PNKD: variants seen among roughly 807,000 people sequenced by gnomAD.
PNKD encodes probable thioesterase PNKD.
PNKD carries 36 observed loss-of-function variants against 45.3 expected under a neutral mutation model. The observed-to-expected ratio is 0.80, with a 90% confidence interval of 0.61 to 1.05. The LOEUF is 1.05. PNKD is among the 50% of genes least tolerant of loss of function. The pLI, the probability that PNKD is intolerant of heterozygous loss-of-function variation, is 0.00. For synonymous variants in PNKD, 197 were observed against 210.1 expected, an observed-to-expected ratio of 0.94 and a Z score of 0.54; for missense variants, 511 against 506.6, an observed-to-expected ratio of 1.01 and a Z score of -0.08.
At chr2:218,272,201 C>T (rs1690864247) in intron 2 of PNKD, among the ~76,000 whole-genome samples, 1 of 152,150 alleles carries the variant, frequency 6.6e-6, no homozygotes, top group African/African-American at 2.4e-5. Flanking sequence ...TTGGCCAAGT[C>T]TCAGAGAGGG....
At chr2:218,278,816 C>G (rs1487200955) in intron 2 of PNKD, among the ~76,000 whole-genome samples, 1 of 152,210 alleles carries the variant, frequency 6.6e-6, no homozygotes, top group East Asian at 1.9e-4. Context: ...TGCAGCGCAG[C>G]GTGCACGCCA....
At chr2:218,296,939 A>G (rs781635761) in intron 2 of PNKD, among the ~76,000 whole-genome samples, 2 of 152,166 alleles carry the variant, frequency 1.3e-5, no homozygotes, top group Non-Finnish European at 2.9e-5. Context: ...TGGCCTCCCA[A>G]AGTGCTGGGA....
intron 2 of PNKD, among the ~76,000 whole-genome samples, chr2:218,271,760 C>T (rs1690843726): frequency 6.6e-6 from 1 of 152,188 alleles, no homozygotes; most frequent in Non-Finnish European, 1.5e-5. Flanking sequence ...GTGGAGTAAG[C>T]TGAGTTGATC....
chr2:218,275,846 T>C (rs1456949722), intron 2 of PNKD, among the ~76,000 whole-genome samples: 3 of 152,178 alleles, frequency 2.0e-5, no homozygotes, highest in African/African-American at 4.8e-5. Context: ...AGCAGGCAGC[T>C]TGAACAAGAG....
At chr2:218,314,021 A>G (rs1693692747) in intron 2 of PNKD, among the ~76,000 whole-genome samples, 1 of 149,842 alleles carries the variant, frequency 6.7e-6, no homozygotes, top group South Asian at 2.1e-4. Flanking sequence ...TCCCAGGTTC[A>G]AGCGATTCTT....
intron 2 of PNKD, chr2:218,277,858 A>G: frequency 6.3e-7 from 1 of 1,597,734 alleles, no homozygotes; most frequent in Non-Finnish European, 8.6e-7. Flanking sequence ...TCCTTCTGAA[A>G]TGGGTCCCCA....
chr2:218,342,447 C>A (rs1205826345), intron 7 of PNKD, among the ~76,000 whole-genome samples: 2 of 152,000 alleles, frequency 1.3e-5, no homozygotes, highest in African/African-American at 2.4e-5. Context: ...TGCCTGTAAT[C>A]CCAGCACTTT....
At chr2:218,292,396 C>T (rs1487064857) in intron 2 of PNKD, 1 of 152,296 alleles carries the variant, frequency 6.6e-6, no homozygotes, top group East Asian at 1.9e-4. Context: ...GGCGCATGGC[C>T]GCCCCAGCCC....
intron 7 of PNKD, among the ~76,000 whole-genome samples, chr2:218,343,131 T>G (rs1346793529): frequency 6.8e-6 from 1 of 147,840 alleles, no homozygotes; most frequent in Non-Finnish European, 1.5e-5. Context: ...GGTGAGTGGG[T>G]GGGTGAGGAT....
chr2:218,293,007 C>T (rs1164329926), intron 2 of PNKD, among the ~76,000 whole-genome samples: 1 of 152,154 alleles, frequency 6.6e-6, no homozygotes, highest in Non-Finnish European at 1.5e-5. Context: ...TACTGGAGGC[C>T]GTTTGTTTCC....
chr2:218,325,051 A>G, intron 2 of PNKD, among the ~76,000 whole-genome samples: 1 of 115,610 alleles, frequency 8.6e-6, no homozygotes, highest in African/African-American at 3.6e-5. Flanking sequence ...TCTGTCACCC[A>G]GGCTGGAATG....
At position 218,342,031 on chromosome 2, in the gene PNKD, C is replaced by T; in HGVS notation, c.668C>T (p.Ala223Val). Reference protein sequence around the residue: ...VVSVGRLQIRALATPGHTQGH... With the variant: ...VVSVGRLQIRVLATPGHTQGH... ...AGCGTGGGACGGCTTCAGATCCGGG[C>T]CCTGGCTACACCTGGCCACACACAA... The change falls in exon 7 of 10, where the codon GCC (alanine) becomes GTC (valine). Residue 223 changes from alanine (A) to valine (V), a missense_variant. Ala to Val is a moderately conservative substitution (Grantham distance 64, BLOSUM62 0). Coordinates refer to ENST00000273077, the MANE Select transcript of PNKD (RefSeq NM_015488.5). 1 of 1,613,410 alleles carries T rather than the reference C, an allele frequency of 6.2e-7. No individual in the cohort carries two copies. Among genetic ancestry groups the T allele is most frequent in the Non-Finnish European group, 8.5e-7 (1 of 1,179,330 alleles).
intron 2 of PNKD, chr2:218,280,516 C>T: frequency 3.7e-6 from 1 of 266,828 alleles, no homozygotes; most frequent in Non-Finnish European, 7.4e-6. Context: ...CGGCAGAGCG[C>T]AGTTTGTGCA....
At chr2:218,316,567 G>A (rs997785516) in intron 2 of PNKD, among the ~76,000 whole-genome samples, 8 of 152,124 alleles carry the variant, frequency 5.3e-5, no homozygotes, top group African/African-American at 7.2e-5. Context: ...CACTGTGCCC[G>A]GCCAGGAAGT....
intron 2 of PNKD, among the ~76,000 whole-genome samples, chr2:218,288,081 G>A (rs1465512660): frequency 6.6e-6 from 1 of 152,162 alleles, no homozygotes; most frequent in East Asian, 1.9e-4. Context: ...TGAACTTCAA[G>A]ATTAGGAGGG....
chr2:218,296,976 C>T (rs888940865), intron 2 of PNKD, among the ~76,000 whole-genome samples: 13 of 152,224 alleles, frequency 8.5e-5, no homozygotes, highest in African/African-American at 2.9e-4. Flanking sequence ...CCGCGCCGCC[C>T]GAAGTTGCTT....
At chr2:218,344,738 G>A (rs1481430724) in intron 9 of PNKD, 70 bp from the exon 10 acceptor site, 4 of 1,528,438 alleles carry the variant, frequency 2.6e-6, no homozygotes, top group East Asian at 4.5e-5. Flanking sequence ...GCAGGGGTCG[G>A]GTCAGGCTTC....
rs1167758595 is a variant in PNKD at position 218,324,997 on chromosome 2, CTTTTTTTTTTTTTTTTTTT to C, written c.237-14776_237-14758del. ...AACATGAAGGTATCTAAATAATTTT[CTTTTTTTTTTTTTTTTTTT>C]TTTTTTTTTGAGACGGAGTCTCGCT... is the stretch of plus-strand genomic sequence containing the variant. On this transcript the variant is annotated intron_variant, in intron 2 of 9. Transcript: ENST00000273077. 1.1e-3 allele frequency among the ~76,000 whole-genome samples: 67 copies of C among 62,684 alleles called. 2 individuals carry two copies. Among genetic ancestry groups the C allele is most frequent in the African/African-American group, 4.3e-3 (64 of 14,888 alleles). The allele number at this position is 62,684 out of a possible 152,430, so 41.1% of individuals were successfully genotyped here.
chr2:218,272,851 GC>G, intron 2 of PNKD: 2 of 1,606,714 alleles, frequency 1.2e-6, no homozygotes, highest in East Asian at 4.5e-5. Flanking sequence ...CCACCAGAGG[GC>G]GCATGAAGCC....
Sources: allele counts gnomAD v4.1 joint callset (sites outside exome capture counted in the v4.1 genomes callset), GRCh38; gene constraint gnomAD v4.1.1; transcripts MANE v1.5; gene names NCBI Gene and HGNC (gene_info 2026-07-23, HGNC 2026-07-21).